PHF6: variants seen among roughly 807,000 people sequenced by gnomAD.
PHF6 encodes PHD-like zinc finger protein.
PHF6 carries 7 observed loss-of-function variants against 34.0 expected under a neutral mutation model. The observed-to-expected ratio is 0.21, with a 90% CI of 0.12 to 0.39. The LOEUF (loss-of-function observed/expected upper bound fraction) is 0.39, where lower values mean the gene tolerates loss of function less well. Among genes scored for constraint, PHF6 ranks in the 10% least tolerant of loss-of-function variants. PHF6 has a pLI of 1.00. For synonymous variants in PHF6, 89 were observed against 88.4 expected, an observed-to-expected ratio of 1.01 and a Z score of -0.04; for missense variants, 128 against 262.8, an observed-to-expected ratio of 0.49 and a Z score of 3.55.
At position 134,417,146 on chromosome X, in the gene PHF6, ATTAT is replaced by A; in HGVS notation, c.835-20_835-17del. Reference sequence around the variant, plus strand: ...CTGTTTTCTTGAAATACGGCTTACGATTATTTCTCTTTCCTTATACAGAAATGTA... The same window carrying A: ...CTGTTTTCTTGAAATACGGCTTACGATTCTCTTTCCTTATACAGAAATGTA... On this transcript the variant is annotated intron_variant, in intron 8 of 10. Coordinates refer to ENST00000370803, the MANE Select transcript of PHF6 (RefSeq NM_001015877.2). 8.3e-7 allele frequency: 1 copy of A among 1,209,173 alleles called. No homozygotes were observed. The highest frequency in any genetic ancestry group is 1.1e-6 in the Non-Finnish European group (1 of 893,735).
chrX:134,398,987 A>G (rs186763059), intron 5 of PHF6, among the ~76,000 whole-genome samples: 15 of 111,601 alleles, frequency 1.3e-4, no homozygotes, highest in Non-Finnish European at 2.8e-4. Context: ...CGTTCAGAAG[A>G]GGAAAGGGCC....
chrX:134,428,376 A>G lies in PHF6; in HGVS notation c.*2716A>G. Reference sequence around the variant, plus strand: ...AACTGAAGTAAATTTTATTTCAAGAATCAGCAGTTTTAGAATTTCAGATAG... The same window carrying G: ...AACTGAAGTAAATTTTATTTCAAGAGTCAGCAGTTTTAGAATTTCAGATAG... On this transcript the variant is annotated 3_prime_UTR_variant, in exon 11 of 11. Coordinates refer to ENST00000370803, the MANE Select transcript of PHF6 (RefSeq NM_001015877.2). 2 of 155,872 alleles carry G rather than the reference A, an allele frequency of 1.3e-5. No individual in the cohort carries two copies. Among genetic ancestry groups the G allele is most frequent in the Non-Finnish European group, 2.5e-5 (2 of 78,961 alleles). The allele number at this position is 155,872 out of a possible 1,213,427, so 12.8% of individuals were successfully genotyped here.
At chrX:134,399,904 C>T (rs1027153754) in intron 5 of PHF6, among the ~76,000 whole-genome samples, 14 of 111,057 alleles carry the variant, frequency 1.3e-4, no homozygotes, top group African/African-American at 4.6e-4. Context: ...CATTTCACTG[C>T]CCTGAAAATC....
At chrX:134,420,944 T>C (rs1188651007) in intron 9 of PHF6, among the ~76,000 whole-genome samples, 1 of 111,329 alleles carries the variant, frequency 9.0e-6, no homozygotes. Flanking sequence ...TATATTATGT[T>C]CCTTGATAGA....
At chrX:134,377,259 G>T (rs1019937112) in intron 1 of PHF6, among the ~76,000 whole-genome samples, 7 of 111,675 alleles carry the variant, frequency 6.3e-5, no homozygotes. Context: ...ATTTATTACG[G>T]AGGCATCTTA....
chrX:134,402,345 G>T (rs1313641532), intron 5 of PHF6, among the ~76,000 whole-genome samples: 1 of 112,189 alleles, frequency 8.9e-6, no homozygotes, highest in Non-Finnish European at 1.9e-5. Flanking sequence ...TCTGATGTTG[G>T]TATTAAGCTC....
chrX:134,394,025 A>G, intron 5 of PHF6, 73 bp downstream of exon 5: 1 of 934,314 alleles, frequency 1.1e-6, no homozygotes, highest in Non-Finnish European at 1.5e-6. Context: ...AGTGAATTAT[A>G]CTATATTAAT....
chrX:134,403,681 G>T lies in PHF6; in HGVS notation c.418+9729G>T, dbSNP rs755195010. Among the ~76,000 whole-genome samples, 15 of 112,036 alleles carry T rather than the reference G, an allele frequency of 1.3e-4. No homozygotes were observed. The South Asian group carries it at 5.6e-3, about 42-fold the overall frequency. ...CATTCATAGCTAGAGAGATGTCAAT[G>T]CCTGGCCTCAAAGCTTCAAAAGACA... is the stretch of plus-strand genomic sequence containing the variant. On this transcript the variant is annotated intron_variant, in intron 5 of 10. Coordinates refer to ENST00000370803, the MANE Select transcript of PHF6 (RefSeq NM_001015877.2).
chrX:134,388,907 C>A (rs2077342251), intron 3 of PHF6, among the ~76,000 whole-genome samples: 1 of 111,700 alleles, frequency 9.0e-6, no homozygotes, highest in Non-Finnish European at 1.9e-5. Context: ...TCCTCTCATG[C>A]ATGACTTAGT....
intron 5 of PHF6, among the ~76,000 whole-genome samples, chrX:134,397,723 G>A (rs1345735693): frequency 8.9e-6 from 1 of 111,895 alleles, no homozygotes; most frequent in East Asian, 2.8e-4. Context: ...TGAGGACAGA[G>A]TCCTTCCGGA....
At chrX:134,389,542 C>T (rs187397003) in intron 3 of PHF6, among the ~76,000 whole-genome samples, 12 of 111,070 alleles carry the variant, frequency 1.1e-4, no homozygotes, top group African/African-American at 3.9e-4. Context: ...TAGAGGGGTC[C>T]CCATTTTCCA....
At position 134,395,749 on chromosome X, in the gene PHF6, A is replaced by G. The variant is rs185524243; in HGVS notation, c.418+1797A>G. On this transcript the variant is annotated intron_variant, in intron 5 of 10. Transcript: ENST00000370803. ...CTTGGCTTTTATAATACAAAACAAT[A>G]TAGTTTCCACTTCTGGACTCGAGAT... Among the ~76,000 whole-genome samples, 3 of 112,256 alleles carry G rather than the reference A, an allele frequency of 2.7e-5. No individual in the cohort carries two copies. In the East Asian group the frequency reaches 8.3e-4, roughly 31 times the overall value.
At chrX:134,382,951 A>G (rs924265623) in intron 3 of PHF6, among the ~76,000 whole-genome samples, 3 of 110,560 alleles carry the variant, frequency 2.7e-5, no homozygotes, top group East Asian at 2.8e-4. Context: ...GCCACTCAAG[A>G]TAAGATTTTT....
In PHF6 at chrX:134,387,346, C is replaced by G. The variant is rs771817360; in HGVS notation, c.241-6155C>G. 1.2e-4 allele frequency among the ~76,000 whole-genome samples: 13 copies of G among 111,037 alleles called. No homozygotes were observed. In the South Asian group the frequency reaches 2.3e-3, roughly 19 times the overall value. ...CTGTCAATTAATTTCATTATAAAAT[C>G]CTCATTTATTTTTGCTAATGGAGGA... On this transcript the variant is annotated intron_variant, in intron 3 of 10. Transcript: ENST00000370803.
chrX:134,422,655 T>C (rs1212101722), intron 9 of PHF6, among the ~76,000 whole-genome samples: 1 of 112,018 alleles, frequency 8.9e-6, no homozygotes, highest in Non-Finnish European at 1.9e-5. Context: ...TAGATAATAA[T>C]TTTTATTTAT....
intron 9 of PHF6, 21 bp downstream of exon 9, chrX:134,417,323 T>C: frequency 8.3e-7 from 1 of 1,200,780 alleles, no homozygotes. Flanking sequence ...AACAGTTGTC[T>C]ATTTCCCTAA....
chrX:134,424,075 C>T (rs1021858860), intron 9 of PHF6, among the ~76,000 whole-genome samples: 2 of 106,953 alleles, frequency 1.9e-5, no homozygotes, highest in Non-Finnish European at 3.8e-5. Flanking sequence ...CAAACCTGCA[C>T]GTTGTGCACA....
At chrX:134,402,652 A>G (rs1319684657) in intron 5 of PHF6, among the ~76,000 whole-genome samples, 2 of 112,159 alleles carry the variant, frequency 1.8e-5, no homozygotes, top group African/African-American at 6.5e-5. Flanking sequence ...CAGTACAGGC[A>G]TACCTTATTT....
In PHF6 at chrX:134,425,318, T is replaced by G; in HGVS notation, c.1086T>G (p.Leu362=). The part of the protein sequence containing the change: ...IDQQQLTQQQ[L]NGN Reference sequence around the variant, plus strand: ...AGCAACAACTAACTCAGCAGCAACTTAATGGAAACTAGGTATGAAAGTTAA... The same window carrying G: ...AGCAACAACTAACTCAGCAGCAACTGAATGGAAACTAGGTATGAAAGTTAA... Residue 362 remains leucine (L), a synonymous_variant, in exon 10 of 11, where the codon CTT becomes CTG. Coordinates refer to ENST00000370803, the MANE Select transcript of PHF6 (RefSeq NM_001015877.2). 1 of 1,210,842 alleles carries G rather than the reference T, an allele frequency of 8.3e-7. No homozygotes were observed.
Sources: allele counts gnomAD v4.1 joint callset (sites outside exome capture counted in the v4.1 genomes callset), GRCh38; gene constraint gnomAD v4.1.1; transcripts MANE v1.5; gene names NCBI Gene and HGNC (gene_info 2026-07-23, HGNC 2026-07-21).